ATP10B: variants seen among roughly 807,000 people sequenced by gnomAD.
ATP10B encodes ATPase phospholipid transporting 10B (putative).
ATP10B carries 122 observed loss-of-function variants against 141.2 expected under a neutral mutation model. The ratio of observed to expected loss-of-function variants is 0.86; its 90% CI spans 0.75 to 1.00. The LOEUF (loss-of-function observed/expected upper bound fraction) is 1.00, where lower values mean the gene tolerates loss of function less well. Ranked by LOEUF, ATP10B falls within the 50% of genes least tolerant of loss-of-function variation. The pLI, the probability that ATP10B is intolerant of heterozygous loss-of-function variation, is 0.00. For synonymous variants in ATP10B, 685 were observed against 692.0 expected (o/e 0.99, Z 0.16); for missense variants, 1,876 against 1,825.3 (o/e 1.03, Z -0.51).
At chr5:160,735,959 A>C in intron 2 of ATP10B, among the ~76,000 whole-genome samples, 1 of 152,168 alleles carries the variant, frequency 6.6e-6, no homozygotes, top group Non-Finnish European at 1.5e-5. Flanking sequence ...TGGAAACACA[A>C]CATACCAAAA....
chr5:160,624,909 C>A (rs1188795298), intron 13 of ATP10B, among the ~76,000 whole-genome samples: 1 of 152,182 alleles, frequency 6.6e-6, no homozygotes, highest in Non-Finnish European at 1.5e-5. Flanking sequence ...CTTCTAAAAC[C>A]AGATTCCAGG....
At chr5:160,651,686 T>A (rs1272749420) in intron 7 of ATP10B, among the ~76,000 whole-genome samples, 1 of 152,114 alleles carries the variant, frequency 6.6e-6, no homozygotes, top group African/African-American at 2.4e-5. Context: ...TTAAAAGAAA[T>A]GATAGCATTT....
chr5:160,642,287 T>G (rs1399672703), intron 9 of ATP10B, among the ~76,000 whole-genome samples: 1 of 152,152 alleles, frequency 6.6e-6, no homozygotes, highest in Non-Finnish European at 1.5e-5. Context: ...AAGTACTAAA[T>G]TAGTTTCTGG....
At chr5:160,685,728 T>C (rs151038560) in intron 6 of ATP10B, among the ~76,000 whole-genome samples, 1 of 152,352 alleles carries the variant, frequency 6.6e-6, no homozygotes, top group Admixed American at 6.5e-5. Flanking sequence ...TGCTTAATAA[T>C]ATGAGTGCTT....
intron 11 of ATP10B, among the ~76,000 whole-genome samples, chr5:160,635,499 G>T (rs749283374): frequency 6.6e-6 from 1 of 152,086 alleles, no homozygotes; most frequent in African/African-American, 2.4e-5. Context: ...GATTTAATTC[G>T]CATTTAAAAT....
chr5:160,796,194 A>G (rs1581547856), intron 1 of ATP10B, among the ~76,000 whole-genome samples: 1 of 152,128 alleles, frequency 6.6e-6, no homozygotes, highest in Non-Finnish European at 1.5e-5. Context: ...TCCATTCTCC[A>G]TGGCCACCGC....
intron 7 of ATP10B, among the ~76,000 whole-genome samples, chr5:160,667,628 G>A (rs1762403538): frequency 6.6e-6 from 1 of 152,088 alleles, no homozygotes; most frequent in Non-Finnish European, 1.5e-5. Flanking sequence ...TCATCTCAGC[G>A]AGTGCTCTGT....
chr5:160,877,569 C>G, the ATP10B span, among the ~76,000 whole-genome samples: 1 of 150,128 alleles, frequency 6.7e-6, no homozygotes, highest in Admixed American at 6.7e-5. Flanking sequence ...AAAGGGTATT[C>G]AATTAGGAAA....
At chr5:160,813,339 CCGCGCA>C (rs1773312232) in intron 1 of ATP10B, among the ~76,000 whole-genome samples, 1 of 152,192 alleles carries the variant, frequency 6.6e-6, no homozygotes, top group Non-Finnish European at 1.5e-5. Context: ...AGATTATATC[CCGCGCA>C]TGGCTTGGAG....
At chr5:160,911,676 C>T in the ATP10B span, among the ~76,000 whole-genome samples, 1 of 152,146 alleles carries the variant, frequency 6.6e-6, no homozygotes, top group Non-Finnish European at 1.5e-5. Context: ...GATGTATTTC[C>T]TACAAAAGGA....
At chr5:160,740,243 G>T (rs1767372881) in intron 2 of ATP10B, among the ~76,000 whole-genome samples, 1 of 152,114 alleles carries the variant, frequency 6.6e-6, no homozygotes, top group Non-Finnish European at 1.5e-5. Flanking sequence ...ATAATTTAAA[G>T]GATTTTCAAA....
chr5:160,792,113 TC>T (rs893351145), intron 1 of ATP10B, among the ~76,000 whole-genome samples: 2 of 151,894 alleles, frequency 1.3e-5, no homozygotes, highest in South Asian at 2.1e-4. Flanking sequence ...AGGAAATAAA[TC>T]CCCCCCTCCC....
chr5:160,636,319 G>C lies in ATP10B; in HGVS notation c.1001-10C>G, dbSNP rs1239645710. Reference sequence around the variant, plus strand: ...TTCCAGATGCTGTGACCTGAGAGGAGGCAAAACCAGGAATGAGGCTGAATC... The same window carrying C: ...TTCCAGATGCTGTGACCTGAGAGGACGCAAAACCAGGAATGAGGCTGAATC... On this transcript the variant is annotated splice_polypyrimidine_tract_variant and intron_variant, in intron 10 of 25. Coordinates refer to ENST00000327245, the MANE Select transcript of ATP10B (RefSeq NM_025153.3). 6.2e-7 allele frequency: 1 copy of C among 1,610,808 alleles called. No homozygotes were observed. The highest frequency in any genetic ancestry group is 8.5e-7 in the Non-Finnish European group (1 of 1,178,690).
intron 13 of ATP10B, among the ~76,000 whole-genome samples, chr5:160,622,796 A>G (rs1372166383): frequency 6.6e-6 from 1 of 152,184 alleles, no homozygotes; most frequent in Non-Finnish European, 1.5e-5. Context: ...AGATGCTGAC[A>G]GTTCTTCACT....
chr5:160,829,776 C>T (rs780084597), intron 1 of ATP10B, among the ~76,000 whole-genome samples: 14 of 152,088 alleles, frequency 9.2e-5, no homozygotes, highest in Non-Finnish European at 1.5e-4. Flanking sequence ...TGTATAGAAA[C>T]GCTACTGATT....
At chr5:160,569,752 C>T in intron 24 of ATP10B, 69 bp from the exon 25 acceptor site, 1 of 1,242,086 alleles carries the variant, frequency 8.1e-7, no homozygotes, top group Non-Finnish European at 1.1e-6. Flanking sequence ...GATCAAACTA[C>T]TTGATTAACT....
At chr5:160,684,520 GCCTTAAAT>G (rs1763627445) in intron 6 of ATP10B, among the ~76,000 whole-genome samples, 1 of 152,130 alleles carries the variant, frequency 6.6e-6, no homozygotes, top group Admixed American at 6.5e-5. Context: ...TCCTCAACCA[GCCTTAAAT>G]GTGCTCATGG....
chr5:160,587,965 C>T (rs938308756), intron 24 of ATP10B, among the ~76,000 whole-genome samples: 3 of 152,158 alleles, frequency 2.0e-5, no homozygotes, highest in Non-Finnish European at 4.4e-5. Flanking sequence ...CTTCAGCCTC[C>T]TGAGCTCCTG....
intron 21 of ATP10B, among the ~76,000 whole-genome samples, chr5:160,602,166 A>C (rs527978689): frequency 1.3e-5 from 2 of 152,374 alleles, no homozygotes; most frequent in South Asian, 4.1e-4. Flanking sequence ...TAATCACTTT[A>C]TATACAAATT....
Sources: allele counts gnomAD v4.1 joint callset (sites outside exome capture counted in the v4.1 genomes callset), GRCh38; gene constraint gnomAD v4.1.1; transcripts MANE v1.5; gene names NCBI Gene and HGNC (gene_info 2026-07-23, HGNC 2026-07-21).